Variants in CHAF1B observed in about 807,000 individuals in gnomAD.
The protein encoded by CHAF1B is CAF-1 subunit B.
In CHAF1B, 10 loss-of-function variants were observed where a neutral mutation model predicts 60.7. The observed-to-expected ratio is 0.16, with a 90% CI of 0.10 to 0.28. The LOEUF (loss-of-function observed/expected upper bound fraction) is 0.28. Among genes scored for constraint, CHAF1B ranks in the 10% least tolerant of loss-of-function variants. The pLI, the probability that CHAF1B is intolerant of heterozygous loss-of-function variation, is 1.00. For synonymous variants in CHAF1B, 261 were observed against 266.1 expected, an observed-to-expected ratio of 0.98 and a Z score of 0.19; for missense variants, 558 against 708.4, an observed-to-expected ratio of 0.79 and a Z score of 2.41.
intron 10 of CHAF1B, among the ~76,000 whole-genome samples, chr21:36,410,045 A>C (rs218629): frequency 0.91 from 138,557 of 151,746 alleles, 63,826 homozygotes; most frequent in Non-Finnish European, 0.94. Context: ...CTCACTGCAA[A>C]CCCTGCCTCC....
chr21:36,388,976 T>TG (rs2086059642), intron 3 of CHAF1B: 1 of 152,244 alleles, frequency 6.6e-6, no homozygotes, highest in African/African-American at 2.4e-5. Flanking sequence ...ACCCCCGCAA[T>TG]GCTCCCTTTC....
At chr21:36,385,682 C>T (rs1194579228) in intron 1 of CHAF1B, among the ~76,000 whole-genome samples, 2 of 152,016 alleles carry the variant, frequency 1.3e-5, no homozygotes, top group East Asian at 2.0e-4. Flanking sequence ...GTTCTCCTCT[C>T]GCCCCGCCGC....
rs55920360 is a variant in CHAF1B, at chr21:36,391,907, ATTTTTTTT to A, written c.377+262_377+269del. On this transcript the variant is annotated intron_variant, in intron 4 of 13. Transcript: ENST00000314103. ...GCTACCATGCCCTGCTGATTTTTAA[ATTTTTTTT>A]TTTTTTTTTTTTTTTTTTTTTTAGT... 1.3e-4 allele frequency among the ~76,000 whole-genome samples: 9 copies of A among 67,040 alleles called. 1 individual carries two copies. The highest frequency in any genetic ancestry group is 5.6e-4 in the African/African-American group (7 of 12,530). The allele number at this position is 67,040 out of a possible 152,430, so 44.0% of individuals were successfully genotyped here. A position where few individuals can be genotyped will look rare whatever the true frequency, so the allele number is the denominator to read the frequency against.
intron 5 of CHAF1B, among the ~76,000 whole-genome samples, chr21:36,395,295 G>A (rs1470554397): frequency 3.3e-5 from 5 of 151,976 alleles, no homozygotes; most frequent in Non-Finnish European, 5.9e-5. Context: ...TGATCCACCC[G>A]CCTCGGCCTC....
intron 7 of CHAF1B, among the ~76,000 whole-genome samples, chr21:36,402,019 G>T (rs555484512): frequency 6.6e-6 from 1 of 152,308 alleles, no homozygotes; most frequent in African/African-American, 2.4e-5. Context: ...GGGATTACAG[G>T]TGTGAGCCAC....
chr21:36,389,486 A>G (rs997493874), intron 3 of CHAF1B, among the ~76,000 whole-genome samples: 1 of 151,580 alleles, frequency 6.6e-6, no homozygotes, highest in Non-Finnish European at 1.5e-5. Flanking sequence ...CGCTCCTATA[A>G]TCCTAGCTAC....
intron 8 of CHAF1B, among the ~76,000 whole-genome samples, chr21:36,403,700 T>C (rs1194401275): frequency 6.6e-6 from 1 of 152,198 alleles, no homozygotes; most frequent in African/African-American, 2.4e-5. Context: ...ATAGGTTTAT[T>C]GTCCCTATGT....
At chr21:36,408,240 C>T (rs1049068895) in intron 8 of CHAF1B, among the ~76,000 whole-genome samples, 3 of 152,028 alleles carry the variant, frequency 2.0e-5, no homozygotes, top group Admixed American at 6.6e-5. Context: ...GGACTGTTCC[C>T]CAGAGTGAAG....
At chr21:36,389,759 ATGTGTGTG>A (rs1555911822) in intron 3 of CHAF1B, among the ~76,000 whole-genome samples, 165 of 125,880 alleles carry the variant, frequency 1.3e-3, no homozygotes, top group South Asian at 3.0e-3. Flanking sequence ...GCATGAAGGG[ATGTGTGTG>A]TGTGTGTGTG....
chr21:36,387,222 TTG>T (rs1184555520), intron 2 of CHAF1B, among the ~76,000 whole-genome samples: 8 of 146,736 alleles, frequency 5.5e-5, no homozygotes, highest in African/African-American at 2.0e-4. Flanking sequence ...AAGCATAGTT[TTG>T]TTTTTTTTTT....
chr21:36,390,339 A>G (rs2086076630), intron 3 of CHAF1B, among the ~76,000 whole-genome samples: 1 of 151,864 alleles, frequency 6.6e-6, no homozygotes, highest in Non-Finnish European at 1.5e-5. Context: ...ATCTCAAAAA[A>G]AAAAAAAAAA....
At chr21:36,390,808 C>T (rs1353989765) in intron 3 of CHAF1B, among the ~76,000 whole-genome samples, 1 of 152,152 alleles carries the variant, frequency 6.6e-6, no homozygotes, top group African/African-American at 2.4e-5. Flanking sequence ...GTGTGTGCCA[C>T]CACACCTGGC....
At chr21:36,391,721 AT>A in intron 4 of CHAF1B, 53 bp downstream of exon 4, 1 of 1,143,044 alleles carries the variant, frequency 8.7e-7, no homozygotes. Context: ...AGTGCATTAA[AT>A]GGAATATACC....
intron 3 of CHAF1B, among the ~76,000 whole-genome samples, chr21:36,388,110 A>G (rs1367832990): frequency 6.6e-6 from 1 of 152,156 alleles, no homozygotes; most frequent in African/African-American, 2.4e-5. Context: ...GGCGTGAGCC[A>G]CTGCGCCCGG....
In CHAF1B at chr21:36,386,178, G is replaced by T; in HGVS notation, c.42G>T (p.Glu14Asp). The T allele has an allele frequency of 6.2e-7, 1 of 1,614,222 alleles. No individual in the cohort carries two copies. Among genetic ancestry groups the T allele is most frequent in the Non-Finnish European group, 8.5e-7 (1 of 1,180,028 alleles). Residue 14 changes from glutamate to aspartate, a missense_variant, in exon 2 of 14, where the codon GAG (glutamate) becomes GAT (aspartate). This residue lies in a region of CHAF1B where 325 missense variants were observed against 493.5 expected (regional missense o/e 0.66). Coordinates refer to ENST00000314103, the MANE Select transcript of CHAF1B (RefSeq NM_005441.3). ...GTGAAATAGCCTGGCACAACAAGGAGCCCGTGTACAGCCTGGACTTCCAGC... is the reference window on the plus strand; with the variant it reads ...GTGAAATAGCCTGGCACAACAAGGATCCCGTGTACAGCCTGGACTTCCAGC... ...ITCEIAWHNK[E>D]PVYSLDFQHG...
chr21:36,408,688 T>G, intron 8 of CHAF1B, 73 bp from the exon 9 acceptor site: 115 of 1,058,298 alleles, frequency 1.1e-4, no homozygotes, highest in Non-Finnish European at 1.6e-4. Flanking sequence ...TGAAGGCTCT[T>G]GAGTTTCTGT....
chr21:36,413,311 C>T lies in CHAF1B; in HGVS notation c.1489C>T (p.Pro497Ser), dbSNP rs561287666. ...ACTGCAAGCCTGGAGCAAGACAACA[C>T]CCCGGTAAGAACTTGTTGGAACAAG... ...NTLQAWSKTT[P>S]RRINLTPLKT... is the part of the protein sequence containing the mutation. Residue 497 changes from proline (P) to serine (S), a missense_variant, in exon 12 of 14, where the codon CCC becomes TCC. Physicochemically the swap from Pro to Ser is moderately conservative, Grantham distance 74. This residue lies in a region of CHAF1B where 233 missense variants were observed against 214.9 expected (regional missense o/e 1.08). Coordinates refer to ENST00000314103, the MANE Select transcript of CHAF1B (RefSeq NM_005441.3). The T allele has an allele frequency of 1.3e-6, 2 of 1,567,054 alleles. No individual in the cohort carries two copies. The highest frequency in any genetic ancestry group is 2.7e-5 in the African/African-American group (2 of 73,040).
At chr21:36,397,585 G>A (rs1460144878) in intron 6 of CHAF1B, 74 bp downstream of exon 6, 21 of 717,232 alleles carry the variant, frequency 2.9e-5, no homozygotes, top group Admixed American at 2.8e-5. Context: ...GGTATTTATC[G>A]TAACTTAGCC....
chr21:36,413,332 A>C lies in CHAF1B; in HGVS notation c.1493+17A>C, dbSNP rs1356555836. On this transcript the variant is annotated intron_variant, in intron 12 of 13. Coordinates refer to ENST00000314103, the MANE Select transcript of CHAF1B (RefSeq NM_005441.3). Reference sequence around the variant, plus strand: ...AACACCCCGGTAAGAACTTGTTGGAACAAGATGTCATTGCAAAATGAAACA... The same window carrying C: ...AACACCCCGGTAAGAACTTGTTGGACCAAGATGTCATTGCAAAATGAAACA... The C allele has an allele frequency of 1.1e-5, 17 of 1,534,536 alleles. No homozygotes were observed. The highest frequency in any genetic ancestry group is 1.5e-5 in the Non-Finnish European group (17 of 1,145,266).
Sources: gnomAD v4.1 joint callset for allele counts (sites outside exome capture counted in the v4.1 genomes callset) on GRCh38, gnomAD v4.1.1 for gene constraint, gnomAD v4.1.1 regional missense constraint, MANE v1.5 for transcripts, NCBI Gene and HGNC (gene_info 2026-07-23, HGNC 2026-07-21) for gene names.